Variants in CACNA2D1 observed in about 807,000 individuals in gnomAD.
CACNA2D1 encodes calcium voltage-gated channel auxiliary subunit alpha2delta 1.
Under a neutral mutation model 171.5 loss-of-function variants are expected in CACNA2D1, and 53 were observed. The ratio of observed to expected loss-of-function variants is 0.31; its 90% CI spans 0.25 to 0.39. CACNA2D1 has a LOEUF of 0.39. Among genes scored for constraint, CACNA2D1 ranks in the 10% least tolerant of loss-of-function variants. The pLI is 1.00. For missense variants in CACNA2D1, 903 were observed against 1,299.8 expected, an observed-to-expected ratio of 0.69 and a Z score of 4.69; for synonymous variants, 442 against 443.1, an observed-to-expected ratio of 1.00 and a Z score of 0.03.
At chr7:82,228,354 C>G (rs1351343206) in intron 3 of CACNA2D1, among the ~76,000 whole-genome samples, 1 of 152,040 alleles carries the variant, frequency 6.6e-6, no homozygotes, top group Non-Finnish European at 1.5e-5. Context: ...AGACCTTGAG[C>G]CGAAGATCCT....
At chr7:82,225,066 T>C (rs1250384529) in intron 3 of CACNA2D1, among the ~76,000 whole-genome samples, 1 of 152,192 alleles carries the variant, frequency 6.6e-6, no homozygotes, top group Non-Finnish European at 1.5e-5. Context: ...CAAGTGATCT[T>C]ACTACTTTGT....
chr7:82,331,933 A>G (rs1454440892), intron 3 of CACNA2D1, among the ~76,000 whole-genome samples: 2 of 152,152 alleles, frequency 1.3e-5, no homozygotes, highest in Non-Finnish European at 2.9e-5. Flanking sequence ...AGTTTTTATT[A>G]CAAACATTTA....
At chr7:82,263,597 T>C (rs998574251) in intron 3 of CACNA2D1, among the ~76,000 whole-genome samples, 7 of 152,164 alleles carry the variant, frequency 4.6e-5, no homozygotes, top group African/African-American at 1.4e-4. Context: ...ATAAAAGTGA[T>C]TATTCCAACA....
intron 4 of CACNA2D1, among the ~76,000 whole-genome samples, chr7:82,147,691 C>A (rs1030134322): frequency 6.6e-6 from 1 of 152,084 alleles, no homozygotes; most frequent in Non-Finnish European, 1.5e-5. Context: ...GTAATATTAG[C>A]CCTTCCTCTC....
chr7:82,026,280 T>C (rs1801895354), intron 12 of CACNA2D1, among the ~76,000 whole-genome samples: 1 of 151,648 alleles, frequency 6.6e-6, no homozygotes, highest in Admixed American at 6.6e-5. Context: ...CATTTACATT[T>C]AAAATTATTA....
chr7:82,262,470 A>G (rs2129334429), intron 3 of CACNA2D1, among the ~76,000 whole-genome samples: 1 of 152,322 alleles, frequency 6.6e-6, no homozygotes, highest in Non-Finnish European at 1.5e-5. Flanking sequence ...GCTTTAGCCT[A>G]CACTTGAAAA....
intron 38 of CACNA2D1, 96 bp from the exon 39 acceptor site, chr7:81,950,604 G>C: frequency 6.7e-7 from 1 of 1,487,942 alleles, no homozygotes; most frequent in East Asian, 2.5e-5. Flanking sequence ...TCCATATTTA[G>C]TTCACTTTCT....
rs565346347 is a variant in CACNA2D1 at position 82,233,491 on chromosome 7, T to A, written c.295-62882A>T. On this transcript the variant is annotated intron_variant, in intron 3 of 38. Transcript: ENST00000356860. ...TTTTTTTCATCTAGCAAAGCTCTGA[T>A]AAATTCTGTGACCTTTATTGAAGTA... 3.1e-3 allele frequency among the ~76,000 whole-genome samples: 470 copies of A among 152,300 alleles called. 2 individuals are homozygous for A. The highest frequency in any genetic ancestry group is 6.8e-3 in the Middle Eastern group (2 of 294).
rs1251671302 is a variant in CACNA2D1, at chr7:82,190,988, G to A, written c.295-20379C>T. On this transcript the variant is annotated intron_variant, in intron 3 of 38. Coordinates refer to ENST00000356860, the MANE Select transcript of CACNA2D1 (RefSeq NM_000722.4). ...TAGGTAAACAATTAACTTTTAATAG[G>A]TATACTGTTAATGGGGGCAATAATA... Among the ~76,000 whole-genome samples, 25 of 151,614 alleles carry A rather than the reference G, an allele frequency of 1.6e-4. No individual in the cohort carries two copies. The Admixed American group carries it at 1.6e-3, about 10-fold the overall frequency.
intron 3 of CACNA2D1, among the ~76,000 whole-genome samples, chr7:82,183,306 T>G (rs543010761): frequency 6.6e-6 from 1 of 152,112 alleles, no homozygotes; most frequent in East Asian, 1.9e-4. Context: ...GCCCCCAAAC[T>G]GGTCTTAAAT....
chr7:82,341,116 C>G (rs1421488062), intron 2 of CACNA2D1, among the ~76,000 whole-genome samples: 2 of 152,022 alleles, frequency 1.3e-5, no homozygotes, highest in Non-Finnish European at 2.9e-5. Context: ...TTTCGAACTA[C>G]TTGTTCCCTA....
In CACNA2D1 at chr7:82,084,788, G is replaced by A. The variant is rs1307376631; in HGVS notation, c.639C>T (p.Gly213=). ...ACCTACCTGGATAATATCGAGCTAG[G>A]CCAGTGGCACTGCCAAAAACCTGCC... ...LLWQVFGSAT[G]LARYYPASPW... is the part of the protein sequence containing the mutation. The change falls in exon 7 of 39, where the codon GGC becomes GGT. Residue 213 remains glycine, a synonymous_variant. Transcript: ENST00000356860. 6.2e-7 allele frequency: 1 copy of A among 1,613,984 alleles called. No homozygotes were observed. The highest frequency in any genetic ancestry group is 1.7e-5 in the Admixed American group (1 of 60,016).
intron 29 of CACNA2D1, among the ~76,000 whole-genome samples, chr7:81,968,456 T>C (rs1369828406): frequency 6.6e-6 from 1 of 151,406 alleles, no homozygotes; most frequent in African/African-American, 2.4e-5. Context: ...CCTACTAGAA[T>C]ATAGTATAAA....
chr7:82,145,657 T>C (rs1408767670), intron 4 of CACNA2D1, among the ~76,000 whole-genome samples: 1 of 141,234 alleles, frequency 7.1e-6, no homozygotes, highest in African/African-American at 2.6e-5. Context: ...AAAAATTTTA[T>C]ATATATGCAC....
intron 3 of CACNA2D1, among the ~76,000 whole-genome samples, chr7:82,189,765 T>C (rs1309448267): frequency 6.6e-6 from 1 of 151,856 alleles, no homozygotes; most frequent in East Asian, 1.9e-4. Context: ...AAAATTTGTG[T>C]AAGAAAAATT....
intron 31 of CACNA2D1, among the ~76,000 whole-genome samples, chr7:81,966,576 T>G (rs569224582): frequency 2.0e-5 from 3 of 151,378 alleles, no homozygotes; most frequent in Non-Finnish European, 4.4e-5. Flanking sequence ...GTTATTCAAT[T>G]TTTAGAATTA....
rs533854397 is a variant in CACNA2D1 at position 82,378,938 on chromosome 7, C to CGTGT, written c.96-29293_96-29290dup. Among the ~76,000 whole-genome samples, 564 of 139,160 alleles carry CGTGT rather than the reference C, an allele frequency of 4.1e-3. 4 individuals carry two copies. Among genetic ancestry groups the CGTGT allele is most frequent in the East Asian group, 9.2e-3 (43 of 4,664 alleles). 91.3% of individuals were successfully genotyped at this position (139,160 alleles called of 152,430 possible). A position where few individuals can be genotyped will look rare whatever the true frequency, so the allele number is the denominator to read the frequency against. ...TACTGTATGTGTGCAGGGGTTGACT[C>CGTGT]GTGTGTGTGTGTGTGTGTGTGTGTG... On this transcript the variant is annotated intron_variant, in intron 1 of 38. Transcript: ENST00000356860.
At chr7:82,277,947 T>C (rs1809575615) in intron 3 of CACNA2D1, among the ~76,000 whole-genome samples, 1 of 151,900 alleles carries the variant, frequency 6.6e-6, no homozygotes, top group Non-Finnish European at 1.5e-5. Context: ...GGTTTCACCA[T>C]GTTAGCCAGG....
At chr7:82,116,345 G>A (rs1004132859) in intron 6 of CACNA2D1, among the ~76,000 whole-genome samples, 2 of 152,142 alleles carry the variant, frequency 1.3e-5, no homozygotes, top group South Asian at 2.1e-4. Context: ...AATGCAAAGC[G>A]TGTCTCTAAA....
Sources: gnomAD v4.1 joint callset for allele counts (sites outside exome capture counted in the v4.1 genomes callset) on GRCh38, gnomAD v4.1.1 for gene constraint, MANE v1.5 for transcripts, NCBI Gene and HGNC (gene_info 2026-07-23, HGNC 2026-07-21) for gene names.